Variants in MAOA observed in about 807,000 individuals in gnomAD.
MAOA encodes the protein monoamine oxidase A, also known as amine oxidase [flavin-containing] A.
In MAOA, 6 loss-of-function variants were observed where a neutral mutation model predicts 42.0. The observed-to-expected ratio is 0.14, with a 90% CI of 0.08 to 0.28. The LOEUF (loss-of-function observed/expected upper bound fraction) is 0.28. Ranked by LOEUF, MAOA falls within the 10% of genes least tolerant of loss-of-function variation. The pLI, the probability that MAOA is intolerant of heterozygous loss-of-function variation, is 1.00. For missense variants in MAOA, 262 were observed against 422.3 expected, an observed-to-expected ratio of 0.62 and a Z score of 3.33; for synonymous variants, 140 against 154.0, an observed-to-expected ratio of 0.91 and a Z score of 0.67.
intron 1 of MAOA, among the ~76,000 whole-genome samples, chrX:43,681,298 G>A (rs989099882): frequency 9.0e-6 from 1 of 111,057 alleles, no homozygotes; most frequent in Non-Finnish European, 1.9e-5. Context: ...TTTAAAGTTA[G>A]AGTATATCCA....
At chrX:43,730,601 C>G (rs1398145087) in intron 6 of MAOA, among the ~76,000 whole-genome samples, 1 of 106,131 alleles carries the variant, frequency 9.4e-6, no homozygotes, top group African/African-American at 3.5e-5. Context: ...AAGTGGTTCT[C>G]CTGCCTCAGC....
chrX:43,744,616 G>C lies in MAOA; in HGVS notation c.*103G>C. On this transcript the variant is annotated 3_prime_UTR_variant, in exon 15 of 15. Coordinates refer to ENST00000338702, the MANE Select transcript of MAOA (RefSeq NM_000240.4). ...TCATTGGGCCATGTTTAAGTGTACT[G>C]GATTTAACTACCTTTGGCTTAATTC... 1.1e-6 allele frequency: 1 copy of C among 890,423 alleles called. No homozygotes were observed. Among genetic ancestry groups the C allele is most frequent in the Non-Finnish European group, 1.6e-6 (1 of 609,810 alleles). The allele number at this position is 890,423 out of a possible 1,213,427, so 73.4% of individuals were successfully genotyped here.
At chrX:43,743,622 T>C (rs2033976714) in intron 12 of MAOA, 172 bp from the exon 13 acceptor site, 1 of 517,727 alleles carries the variant, frequency 1.9e-6, no homozygotes, top group Admixed American at 2.8e-5. Context: ...AGATCCTCTA[T>C]GCAGATCCAG....
In MAOA at chrX:43,675,174, G is replaced by A. The variant is rs1239154939; in HGVS notation, c.74-8339G>A. 6.3e-5 allele frequency among the ~76,000 whole-genome samples: 7 copies of A among 110,815 alleles called. 1 individual carries two copies. The highest frequency in any genetic ancestry group is 7.6e-5 in the Non-Finnish European group (4 of 52,931). ...CTTTTTTCTCTAAACTTCCCTTCTC[G>A]CTTCATTTCATTCATTTCATCTTCC... On this transcript the variant is annotated intron_variant, in intron 1 of 14. Coordinates refer to ENST00000338702, the MANE Select transcript of MAOA (RefSeq NM_000240.4).
intron 1 of MAOA, among the ~76,000 whole-genome samples, chrX:43,681,880 A>ATATATT (rs1337382916): frequency 1.0e-3 from 88 of 87,557 alleles, no homozygotes; most frequent in African/African-American, 3.7e-3. Context: ...ATATATATAT[A>ATATATT]TTTTTTTTTT....
intron 1 of MAOA, among the ~76,000 whole-genome samples, chrX:43,670,542 A>C (rs922463189): frequency 4.5e-4 from 46 of 103,277 alleles, no homozygotes; most frequent in African/African-American, 1.3e-3. Flanking sequence ...GGTGTGCTGC[A>C]CCCATTAACT....
intron 1 of MAOA, among the ~76,000 whole-genome samples, chrX:43,662,209 A>G (rs1000710225): frequency 6.3e-5 from 7 of 111,561 alleles, no homozygotes; most frequent in Admixed American, 4.8e-4. Context: ...CTGAGGTTCA[A>G]TGTGGGCTGA....
At chrX:43,669,243 T>C (rs2033308270) in intron 1 of MAOA, among the ~76,000 whole-genome samples, 3 of 99,121 alleles carry the variant, frequency 3.0e-5, no homozygotes, top group Non-Finnish European at 6.0e-5. Flanking sequence ...ACCCCGTCTC[T>C]ACTAAAAATA....
intron 2 of MAOA, among the ~76,000 whole-genome samples, chrX:43,689,406 G>T (rs999650894): frequency 2.7e-5 from 3 of 111,366 alleles, no homozygotes; most frequent in Non-Finnish European, 5.7e-5. Flanking sequence ...TGGGTTAATG[G>T]TTTTCTTCTT....
rs139718660 is a variant in MAOA at position 43,731,984 on chromosome X, G to T, written c.955+131G>T. ...GGTAGAAAAAGGATTAGAAATCTTG[G>T]TCTGTCAATTTCCTCATATCCTTGG... On this transcript the variant is annotated intron_variant, in intron 8 of 14. Coordinates refer to ENST00000338702, the MANE Select transcript of MAOA (RefSeq NM_000240.4). The T allele has an allele frequency of 5.2e-4, 351 of 673,708 alleles. 1 individual carries two copies. The African/African-American group carries it at 7.0e-3, about 14-fold the overall frequency. 55.5% of individuals were successfully genotyped at this position (673,708 alleles called of 1,213,427 possible).
chrX:43,659,501 A>G (rs2033215613), intron 1 of MAOA, among the ~76,000 whole-genome samples: 1 of 111,304 alleles, frequency 9.0e-6, no homozygotes, highest in South Asian at 3.8e-4. Context: ...ATTCTTGCAA[A>G]CATCTGGTTT....
At chrX:43,711,157 TA>T (rs1158638310) in intron 3 of MAOA, among the ~76,000 whole-genome samples, 74 of 101,227 alleles carry the variant, frequency 7.3e-4, no homozygotes, top group East Asian at 2.8e-3. Context: ...GGTGTAGAGA[TA>T]AAAAAAAAAA....
intron 1 of MAOA, among the ~76,000 whole-genome samples, chrX:43,679,712 T>A (rs1265721536): frequency 9.0e-6 from 1 of 111,441 alleles, no homozygotes; most frequent in Non-Finnish European, 1.9e-5. Context: ...TTTATCTACC[T>A]AACTGGTTTT....
intron 1 of MAOA, among the ~76,000 whole-genome samples, chrX:43,663,777 A>C (rs2033254364): frequency 8.9e-6 from 1 of 112,402 alleles, no homozygotes; most frequent in African/African-American, 3.2e-5. Flanking sequence ...AAATTTAAAA[A>C]TATGGGACAC....
At chrX:43,688,462 G>A (rs2033505909) in intron 2 of MAOA, among the ~76,000 whole-genome samples, 1 of 111,645 alleles carries the variant, frequency 9.0e-6, no homozygotes, top group African/African-American at 3.3e-5. Context: ...TGTATTTTCA[G>A]TAGAGATAGG....
chrX:43,670,400 G>C (rs1211405137), intron 1 of MAOA, among the ~76,000 whole-genome samples: 1 of 111,172 alleles, frequency 9.0e-6, no homozygotes, highest in Admixed American at 9.6e-5. Context: ...CATTGAATTT[G>C]TGAGTGTTTT....
At chrX:43,737,328 G>T (rs958313119) in intron 10 of MAOA, among the ~76,000 whole-genome samples, 2 of 111,502 alleles carry the variant, frequency 1.8e-5, no homozygotes, top group Admixed American at 1.9e-4. Flanking sequence ...GGAATGATTT[G>T]TTCAAGCCTC....
In MAOA at chrX:43,746,136, T is replaced by C. The variant is rs998863883; in HGVS notation, c.*1623T>C. 8.9e-6 allele frequency: 1 copy of C among 112,244 alleles called. No homozygotes were observed. Among genetic ancestry groups the C allele is most frequent in the African/African-American group, 3.2e-5 (1 of 30,894 alleles). 9.3% of individuals were successfully genotyped at this position (112,244 alleles called of 1,213,427 possible). ...CCTAGTCTATTGCAGTTGTTTCTATTAGCTTACTGATTAACTCAGTCCTGA... is the reference window on the plus strand; with the variant it reads ...CCTAGTCTATTGCAGTTGTTTCTATCAGCTTACTGATTAACTCAGTCCTGA... On this transcript the variant is annotated 3_prime_UTR_variant, in exon 15 of 15. Transcript: ENST00000338702.
chrX:43,673,021 T>G (rs770861582), intron 1 of MAOA, among the ~76,000 whole-genome samples: 1 of 110,873 alleles, frequency 9.0e-6, no homozygotes, highest in Non-Finnish European at 1.9e-5. Context: ...ATGGTACCAG[T>G]TCCTCCTTGT....
Sources: gnomAD v4.1 joint callset for allele counts (sites outside exome capture counted in the v4.1 genomes callset) on GRCh38, gnomAD v4.1.1 for gene constraint, MANE v1.5 for transcripts, NCBI Gene and HGNC (gene_info 2026-07-23, HGNC 2026-07-21) for gene names.